MARCHF6: variants seen among roughly 807,000 people sequenced by gnomAD.
The protein encoded by MARCHF6 is E3 ubiquitin-protein ligase MARCHF6.
MARCHF6 carries 31 observed loss-of-function variants against 133.7 expected under a neutral mutation model. The observed-to-expected ratio is 0.23, with a 90% CI of 0.17 to 0.31. The LOEUF (loss-of-function observed/expected upper bound fraction) is 0.31, where lower values mean the gene tolerates loss of function less well. Ranked by LOEUF, MARCHF6 falls within the 10% of genes least tolerant of loss-of-function variation. The probability of loss-of-function intolerance (pLI) is 1.00; values close to 1 mark genes in which losing one functional copy is unlikely to be tolerated. For synonymous variants in MARCHF6, 395 were observed against 402.5 expected (o/e 0.98, Z 0.22); for missense variants, 723 against 1,121.6 (o/e 0.64, Z 5.08).
At chr5:10,420,291 A>G (rs1055482924) in intron 22 of MARCHF6, among the ~76,000 whole-genome samples, 4 of 152,198 alleles carry the variant, frequency 2.6e-5, no homozygotes, top group African/African-American at 9.6e-5. Flanking sequence ...GCTAAGATTC[A>G]AGGGAAGAGG....
At chr5:10,378,264 T>G (rs886334875) in intron 2 of MARCHF6, among the ~76,000 whole-genome samples, 1 of 152,216 alleles carries the variant, frequency 6.6e-6, no homozygotes, top group African/African-American at 2.4e-5. Context: ...AGAACTGTTC[T>G]TAGTGGTTTG....
At position 10,403,644 on chromosome 5, in the gene MARCHF6, A is replaced by G. The variant is rs1380295977; in HGVS notation, c.1332+103A>G. On this transcript the variant is annotated intron_variant, in intron 15 of 25. Transcript: ENST00000274140. ...GCTATGATGATTTCCTACCTAAATC[A>G]TATTCTCTACTATTTTATTCTAAGA... The G allele has an allele frequency of 3.8e-6, 4 of 1,046,822 alleles. No individual in the cohort carries two copies. The Admixed American group carries it at 8.1e-5, about 21-fold the overall frequency. The allele number at this position is 1,046,822 out of a possible 1,614,324, so 64.8% of individuals were successfully genotyped here. A position where few individuals can be genotyped will look rare whatever the true frequency, so the allele number is the denominator to read the frequency against.
intron 1 of MARCHF6, among the ~76,000 whole-genome samples, chr5:10,364,457 C>T (rs917352240): frequency 6.6e-6 from 1 of 152,072 alleles, no homozygotes; most frequent in Non-Finnish European, 1.5e-5. Flanking sequence ...TAGAAAACAC[C>T]CCTTTCTTCT....
chr5:10,377,928 G>T, intron 2 of MARCHF6, 34 bp downstream of exon 2: 1 of 1,325,514 alleles, frequency 7.5e-7, no homozygotes, highest in Non-Finnish European at 1.1e-6. Flanking sequence ...ATGTAAGTCT[G>T]AGCTTCAGTT....
intron 17 of MARCHF6, among the ~76,000 whole-genome samples, chr5:10,408,176 T>G (rs1480363311): frequency 1.3e-5 from 2 of 152,226 alleles, no homozygotes; most frequent in African/African-American, 4.8e-5. Flanking sequence ...ATTTGCCACT[T>G]ACTTAATTTA....
chr5:10,370,009 G>A (rs1159780385), intron 1 of MARCHF6, among the ~76,000 whole-genome samples: 1 of 149,780 alleles, frequency 6.7e-6, no homozygotes, highest in Non-Finnish European at 1.5e-5. Context: ...ATATATATTA[G>A]TAGGATTTCT....
At chr5:10,424,464 A>G (rs1739978625) in intron 23 of MARCHF6, among the ~76,000 whole-genome samples, 1 of 152,238 alleles carries the variant, frequency 6.6e-6, no homozygotes, top group Admixed American at 6.5e-5. Context: ...GTTTTCCTGC[A>G]TCTATTCTTT....
At chr5:10,392,729 G>A (rs748908888) in intron 7 of MARCHF6, among the ~76,000 whole-genome samples, 2 of 151,886 alleles carry the variant, frequency 1.3e-5, no homozygotes, top group Non-Finnish European at 2.9e-5. Context: ...ACTCCAGCCT[G>A]GGTGACACAG....
At chr5:10,395,375 T>G (rs182638626) in intron 9 of MARCHF6, among the ~76,000 whole-genome samples, 1 of 152,312 alleles carries the variant, frequency 6.6e-6, no homozygotes, top group African/African-American at 2.4e-5. Context: ...CTTGCAGTGT[T>G]TATTGCCTGT....
At chr5:10,395,575 T>G (rs1738144472) in intron 9 of MARCHF6, among the ~76,000 whole-genome samples, 1 of 152,196 alleles carries the variant, frequency 6.6e-6, no homozygotes, top group Non-Finnish European at 1.5e-5. Context: ...GGTGCTGTTT[T>G]CAGGTCCTGT....
At chr5:10,431,848 T>A (rs1056679868) in intron 25 of MARCHF6, among the ~76,000 whole-genome samples, 1 of 152,218 alleles carries the variant, frequency 6.6e-6, no homozygotes, top group African/African-American at 2.4e-5. Context: ...TAGTGTATCT[T>A]GCTATTTAGT....
intron 12 of MARCHF6, 53 bp from the exon 13 acceptor site, chr5:10,402,331 C>T: frequency 6.9e-7 from 1 of 1,456,736 alleles, no homozygotes; most frequent in Non-Finnish European, 9.6e-7. Flanking sequence ...TAAGTAGTTA[C>T]CTGTTTCATT....
chr5:10,427,138 C>T (rs1479340492), intron 24 of MARCHF6, among the ~76,000 whole-genome samples: 35 of 152,196 alleles, frequency 2.3e-4, no homozygotes, highest in Admixed American at 2.2e-3. Context: ...CTTATTCTGT[C>T]CTCCATGTCC....
intron 1 of MARCHF6, among the ~76,000 whole-genome samples, chr5:10,377,409 T>C (rs1365361633): frequency 6.6e-6 from 1 of 152,228 alleles, no homozygotes; most frequent in Non-Finnish European, 1.5e-5. Flanking sequence ...TTTAGGCTGT[T>C]AGGACTTTAA....
intron 23 of MARCHF6, among the ~76,000 whole-genome samples, chr5:10,424,611 G>A (rs976670085): frequency 6.6e-6 from 1 of 152,194 alleles, no homozygotes; most frequent in African/African-American, 2.4e-5. Context: ...TTAACCAGTA[G>A]CTTACGGTAT....
chr5:10,412,256 A>G (rs1739272155), intron 19 of MARCHF6, among the ~76,000 whole-genome samples: 1 of 152,166 alleles, frequency 6.6e-6, no homozygotes, highest in Non-Finnish European at 1.5e-5. Context: ...TGATATTTTC[A>G]GTGTCTGTGA....
chr5:10,395,238 G>T (rs1489237719), intron 9 of MARCHF6, among the ~76,000 whole-genome samples: 1 of 152,116 alleles, frequency 6.6e-6, no homozygotes, highest in Non-Finnish European at 1.5e-5. Context: ...TTAGTGTGCT[G>T]AAAATATTGA....
chr5:10,402,706 A>G (rs376799557), intron 14 of MARCHF6, 99 bp downstream of exon 14: 3 of 1,043,470 alleles, frequency 2.9e-6, no homozygotes, highest in African/African-American at 3.2e-5. Context: ...CAAATATTTG[A>G]TAATTTGCTT....
chr5:10,382,277 G>A (rs1737196130), intron 4 of MARCHF6, among the ~76,000 whole-genome samples: 1 of 152,088 alleles, frequency 6.6e-6, no homozygotes, highest in Non-Finnish European at 1.5e-5. Context: ...GGGCGCGGTG[G>A]CTTATGCCTG....
Sources: gnomAD v4.1 joint callset for allele counts (sites outside exome capture counted in the v4.1 genomes callset) on GRCh38, gnomAD v4.1.1 for gene constraint, MANE v1.5 for transcripts, NCBI Gene and HGNC (gene_info 2026-07-23, HGNC 2026-07-21) for gene names.